The following ARHGAP42 variants were observed in gnomAD, a reference collection of about 807,000 sequenced individuals.
The protein encoded by ARHGAP42 is rho GTPase-activating protein 42.
ARHGAP42 carries 63 observed loss-of-function variants against 125.0 expected under a neutral mutation model. The ratio of observed to expected loss-of-function variants is 0.50; its 90% CI spans 0.41 to 0.62. ARHGAP42 has a LOEUF of 0.62. Among genes scored for constraint, ARHGAP42 ranks in the 20% least tolerant of loss-of-function variants. The pLI is 0.00. For synonymous variants in ARHGAP42, 339 were observed against 351.0 expected, an observed-to-expected ratio of 0.97 and a Z score of 0.38; for missense variants, 766 against 1,024.2, an observed-to-expected ratio of 0.75 and a Z score of 3.44.
chr11:100,803,296 T>C (rs1050787090), intron 3 of ARHGAP42, among the ~76,000 whole-genome samples: 1 of 152,286 alleles, frequency 6.6e-6, no homozygotes, highest in Admixed American at 6.5e-5. Flanking sequence ...TATATGGGTC[T>C]AGCATTCAGG....
chr11:100,690,895 C>T (rs555501700), intron 1 of ARHGAP42, among the ~76,000 whole-genome samples: 7 of 152,236 alleles, frequency 4.6e-5, no homozygotes, highest in East Asian at 1.9e-4. Flanking sequence ...CCACCGCGCC[C>T]GGCCAACATC....
chr11:100,875,572 GA>G (rs1274407114), intron 4 of ARHGAP42, among the ~76,000 whole-genome samples: 1 of 152,146 alleles, frequency 6.6e-6, no homozygotes, highest in Non-Finnish European at 1.5e-5. Flanking sequence ...ACTCTCGGCC[GA>G]GACGGGAAGG....
chr11:100,971,927 A>C (rs963478288), intron 17 of ARHGAP42, among the ~76,000 whole-genome samples: 3 of 152,202 alleles, frequency 2.0e-5, no homozygotes, highest in Admixed American at 6.5e-5. Flanking sequence ...AGATAGGCTT[A>C]CTACATTTAC....
chr11:100,881,448 TA>T (rs1865959830), intron 4 of ARHGAP42, among the ~76,000 whole-genome samples: 1 of 152,224 alleles, frequency 6.6e-6, no homozygotes, highest in Non-Finnish European at 1.5e-5. Flanking sequence ...TGCCTATTTT[TA>T]TACCAGTACC....
chr11:100,748,373 TCACCCGA>T (rs1344732417), intron 1 of ARHGAP42, among the ~76,000 whole-genome samples: 2 of 152,192 alleles, frequency 1.3e-5, no homozygotes, highest in Non-Finnish European at 2.9e-5. Flanking sequence ...TTTCCCTCAA[TCACCCGA>T]CTGTCCTGAA....
At chr11:100,713,097 A>G (rs1404786911) in intron 1 of ARHGAP42, among the ~76,000 whole-genome samples, 2 of 152,266 alleles carry the variant, frequency 1.3e-5, no homozygotes, top group Non-Finnish European at 2.9e-5. Flanking sequence ...AGACATAACT[A>G]GTATTAACAA....
intron 10 of ARHGAP42, among the ~76,000 whole-genome samples, chr11:100,945,045 T>G (rs1867980179): frequency 6.6e-6 from 1 of 152,114 alleles, no homozygotes; most frequent in Non-Finnish European, 1.5e-5. Flanking sequence ...CCTGCCCTAC[T>G]GCACTGTCAG....
In ARHGAP42 at chr11:100,687,545, C is replaced by T. The variant is rs1054011972; in HGVS notation, c.-134C>T. 5.1e-6 allele frequency: 3 copies of T among 588,090 alleles called. No homozygotes were observed. In the African/African-American group the frequency reaches 6.0e-5, roughly 12 times the overall value. The allele number at this position is 588,090 out of a possible 1,614,324, so 36.4% of individuals were successfully genotyped here. A position where few individuals can be genotyped will look rare whatever the true frequency, so the allele number is the denominator to read the frequency against. On this transcript the variant is annotated 5_prime_UTR_variant, in exon 1 of 24. Transcript: ENST00000298815. Reference sequence around the variant, plus strand: ...CGGCGCTCGGGGCCCGTTTCCTCCGCGCAATCAGTCCCCTCGCGTCCCGGC... The same window carrying T: ...CGGCGCTCGGGGCCCGTTTCCTCCGTGCAATCAGTCCCCTCGCGTCCCGGC...
intron 6 of ARHGAP42, among the ~76,000 whole-genome samples, chr11:100,929,014 T>C (rs1867502738): frequency 6.6e-6 from 1 of 152,180 alleles, no homozygotes; most frequent in African/African-American, 2.4e-5. Flanking sequence ...TATCCAAATA[T>C]TAGTTGATAG....
chr11:100,778,345 A>G (rs190135984), intron 2 of ARHGAP42, among the ~76,000 whole-genome samples: 2 of 152,232 alleles, frequency 1.3e-5, no homozygotes, highest in African/African-American at 4.8e-5. Context: ...CTACCTTCTC[A>G]TTTGCTGAAT....
chr11:100,849,712 C>A (rs1565240984), intron 3 of ARHGAP42, among the ~76,000 whole-genome samples: 2 of 152,208 alleles, frequency 1.3e-5, no homozygotes, highest in South Asian at 2.1e-4. Context: ...TGTTCACATC[C>A]AAACAGACAC....
At chr11:100,813,498 C>A (rs917672405) in intron 3 of ARHGAP42, among the ~76,000 whole-genome samples, 2 of 152,126 alleles carry the variant, frequency 1.3e-5, no homozygotes, top group African/African-American at 4.8e-5. Context: ...GAGTGGAAAC[C>A]AGGGGAGAGA....
rs1047624 is a variant in ARHGAP42 at position 100,993,002 on chromosome 11, C to G, written c.*4201C>G. On this transcript the variant is annotated 3_prime_UTR_variant, in exon 24 of 24. Transcript: ENST00000298815. ...TGTGCTTACTGAAGAGTCCCAAAAA[C>G]CAGAGACCATTTTCATTTACTGCCA... The G allele has an allele frequency of 0.11, 31,055 of 288,376 alleles. 2,208 individuals are homozygous for G. Among genetic ancestry groups the G allele is most frequent in the Non-Finnish European group, 0.13 (19,100 of 145,824 alleles). 17.9% of individuals were successfully genotyped at this position (288,376 alleles called of 1,614,324 possible). A position where few individuals can be genotyped will look rare whatever the true frequency, so the allele number is the denominator to read the frequency against.
intron 1 of ARHGAP42, among the ~76,000 whole-genome samples, chr11:100,727,438 T>C (rs1207477663): frequency 6.6e-6 from 1 of 152,152 alleles, no homozygotes; most frequent in Admixed American, 6.5e-5. Flanking sequence ...TCGTTTGTTC[T>C]CCTATGATAA....
rs1858801742 is a variant in ARHGAP42 at position 100,990,375 on chromosome 11, A to G, written c.*1574A>G. 1 of 152,168 alleles carries G rather than the reference A, an allele frequency of 6.6e-6. No individual in the cohort carries two copies. The highest frequency in any genetic ancestry group is 2.4e-5 in the African/African-American group (1 of 41,444). The allele number at this position is 152,168 out of a possible 1,614,324, so 9.4% of individuals were successfully genotyped here. A position where few individuals can be genotyped will look rare whatever the true frequency, so the allele number is the denominator to read the frequency against. ...TTAATGTTTCTAGAATTAATAGGTTAAATACACATACACACACACAACTAT... is the reference window on the plus strand; with the variant it reads ...TTAATGTTTCTAGAATTAATAGGTTGAATACACATACACACACACAACTAT... On this transcript the variant is annotated 3_prime_UTR_variant, in exon 24 of 24. Transcript: ENST00000298815.
intron 1 of ARHGAP42, among the ~76,000 whole-genome samples, chr11:100,705,010 C>CA (rs1392319038): frequency 3.3e-5 from 2 of 60,574 alleles, no homozygotes; most frequent in Non-Finnish European, 5.9e-5. Flanking sequence ...ACAACAACAA[C>CA]AACAAAAAAA....
chr11:100,965,608 T>G (rs149634310), intron 16 of ARHGAP42, 63 bp from the exon 17 acceptor site: 7 of 1,329,478 alleles, frequency 5.3e-6, no homozygotes, highest in Non-Finnish European at 5.3e-6. Flanking sequence ...AGATTACTAA[T>G]GTTTACATAC....
intron 10 of ARHGAP42, among the ~76,000 whole-genome samples, chr11:100,946,449 C>T (rs1639249913): frequency 6.6e-6 from 1 of 152,066 alleles, no homozygotes; most frequent in African/African-American, 2.4e-5. Flanking sequence ...TGGGTTTCAA[C>T]ATGTCTTTCT....
intron 10 of ARHGAP42, among the ~76,000 whole-genome samples, chr11:100,944,777 A>G (rs761696635): frequency 6.6e-6 from 1 of 151,510 alleles, no homozygotes; most frequent in South Asian, 2.1e-4. Context: ...GTGAATGGTC[A>G]TCTGAGTCTT....
Sources: gnomAD v4.1 joint callset for allele counts (sites outside exome capture counted in the v4.1 genomes callset) on GRCh38, gnomAD v4.1.1 for gene constraint, MANE v1.5 for transcripts, NCBI Gene and HGNC (gene_info 2026-07-23, HGNC 2026-07-21) for gene names.